MIA2: variants seen among roughly 807,000 people sequenced by gnomAD.
MIA2 encodes MIA SH3 domain ER export factor 2.
MIA2 carries 127 observed loss-of-function variants against 167.8 expected under a neutral mutation model. The observed-to-expected ratio is 0.76, with a 90% confidence interval of 0.66 to 0.88. The LOEUF (loss-of-function observed/expected upper bound fraction) is 0.88. Ranked by LOEUF, MIA2 falls within the 40% of genes least tolerant of loss-of-function variation. MIA2 has a pLI of 0.00. For missense variants in MIA2, 1,690 were observed against 1,624.7 expected (o/e 1.04, Z -0.69); for synonymous variants, 552 against 541.9 (o/e 1.02, Z -0.26).
At chr14:39,330,272 T>A (rs567567200) in intron 25 of MIA2, among the ~76,000 whole-genome samples, 2 of 152,340 alleles carry the variant, frequency 1.3e-5, no homozygotes, top group African/African-American at 4.8e-5. Context: ...CTTTATAGTA[T>A]TCTCTGATGG....
rs1566804413 is a variant in MIA2, at chr14:39,298,541, T to TTTTTTTTTTTG, written c.2497-1313_2497-1312insGTTTTTTTTTT. ...TTTGGTAGAACAGAGTTTTTTTTTT[T>TTTTTTTTTTTG]TTTTTTTTTTTTTGTGAGCAACATG... is the stretch of plus-strand genomic sequence containing the variant. On this transcript the variant is annotated intron_variant, in intron 13 of 28. Transcript: ENST00000640607. Among the ~76,000 whole-genome samples, 290 of 133,522 alleles carry TTTTTTTTTTTG rather than the reference T, an allele frequency of 2.2e-3. 16 individuals carry two copies. Among genetic ancestry groups the TTTTTTTTTTTG allele is most frequent in the African/African-American group, 6.3e-3 (231 of 36,754 alleles). The allele number at this position is 133,522 out of a possible 152,430, so 87.6% of individuals were successfully genotyped here.
intron 15 of MIA2, 40 bp from the exon 16 acceptor site, chr14:39,303,438 T>C: frequency 1.3e-6 from 2 of 1,514,080 alleles, no homozygotes; most frequent in Non-Finnish European, 1.8e-6. Flanking sequence ...TATTGTACTA[T>C]TTTCCCAAAT....
At chr14:39,321,149 G>A in intron 24 of MIA2, 93 bp downstream of exon 24, 1 of 1,212,488 alleles carries the variant, frequency 8.2e-7, no homozygotes, top group Non-Finnish European at 1.1e-6. Flanking sequence ...TAAAATATTT[G>A]GAAAATACAG....
intron 7 of MIA2, among the ~76,000 whole-genome samples, chr14:39,278,521 T>A (rs2058488875): frequency 6.6e-6 from 1 of 152,226 alleles, no homozygotes; most frequent in African/African-American, 2.4e-5. Flanking sequence ...ATTTCTTTTC[T>A]ACTTGTTTGT....
chr14:39,266,661 G>A lies in MIA2; in HGVS notation c.1888-10273G>A, dbSNP rs886290901. The A allele has an allele frequency of 7.1e-6, 7 of 985,488 alleles. No individual in the cohort carries two copies. The East Asian group carries it at 3.4e-4, about 48-fold the overall frequency. 61.0% of individuals were successfully genotyped at this position (985,488 alleles called of 1,614,324 possible). On this transcript the variant is annotated intron_variant, in intron 6 of 28. Coordinates refer to ENST00000640607, the MANE Select transcript of MIA2 (RefSeq NM_001329214.4). ...TGGTTGGCAGGGCGCACCGGCGCGT[G>A]CCCCGCAGGCCATTTTTCTGACTGG...
chr14:39,349,939 TTTCTC>T (rs2074176606), intron 28 of MIA2, among the ~76,000 whole-genome samples, 154 bp from the exon 29 acceptor site: 2 of 152,202 alleles, frequency 1.3e-5, no homozygotes, highest in Admixed American at 6.5e-5. Context: ...GAGGTACGTT[TTTCTC>T]AATGTAAAAA....
At position 39,281,072 on chromosome 14, in the gene MIA2, G is replaced by A. The variant is rs147821915; in HGVS notation, c.2130+1535G>A. The stretch of plus-strand genomic sequence containing the variant: ...TGAGTAGCTGGGATTACAGGCATGC[G>A]CCACCATGTCCAGCTAATTTTTTAA... On this transcript the variant is annotated intron_variant, in intron 9 of 28. Transcript: ENST00000640607. 3.1e-3 allele frequency among the ~76,000 whole-genome samples: 473 copies of A among 151,724 alleles called. 3 individuals are homozygous for A. Among genetic ancestry groups the A allele is most frequent in the African/African-American group, 0.01 (432 of 41,392 alleles).
At position 39,348,993 on chromosome 14, in the gene MIA2, C is replaced by CT. The variant is rs755133414; in HGVS notation, c.4072+25dup. 6.5e-5 allele frequency: 103 copies of CT among 1,582,508 alleles called. No homozygotes were observed. Among genetic ancestry groups the CT allele is most frequent in the Middle Eastern group, 5.1e-4 (3 of 5,928 alleles). On this transcript the variant is annotated intron_variant, in intron 28 of 28. Transcript: ENST00000640607. Reference sequence around the variant, plus strand: ...CCATTTGCAAGTATGCTTTTTTAAACTTTTTTTTTAAAGCTCAATATGTGG... The same window carrying CT: ...CCATTTGCAAGTATGCTTTTTTAAACTTTTTTTTTTAAAGCTCAATATGTGG...
Position 39,247,310 on chromosome 14 carries a change from G to A in MIA2, c.736G>A (p.Val246Ile). ...EKAFESVIEP[V>I]QESSFRSRKI... Reference sequence around the variant, plus strand: ...GGCTTTTGAATCAGTTATTGAACCTGTACAAGAAAGCTCATTTCGGAGTAG... The same window carrying A: ...GGCTTTTGAATCAGTTATTGAACCTATACAAGAAAGCTCATTTCGGAGTAG... Residue 246 changes from valine (V) to isoleucine (I), a missense_variant, in exon 4 of 29, where the codon GTA (valine) becomes ATA (isoleucine). Transcript: ENST00000640607. The A allele has an allele frequency of 1.9e-6, 3 of 1,613,998 alleles. No individual in the cohort carries two copies. Among genetic ancestry groups the A allele is most frequent in the Non-Finnish European group, 2.5e-6 (3 of 1,179,968 alleles).
chr14:39,380,841 A>G (rs1190960920), intron 23 of MIA2, among the ~76,000 whole-genome samples: 1 of 152,068 alleles, frequency 6.6e-6, no homozygotes, highest in East Asian at 1.9e-4. Flanking sequence ...GGCAGAGCCC[A>G]CACTGAAACC....
At chr14:39,313,272 A>G (rs1346700960) in intron 18 of MIA2, 68 bp from the exon 19 acceptor site, 18 of 783,188 alleles carry the variant, frequency 2.3e-5, no homozygotes, top group Non-Finnish European at 3.3e-5. Context: ...TTTTTTCACA[A>G]TTAAAAATAT....
chr14:39,321,598 G>A (rs2066452491), intron 24 of MIA2, among the ~76,000 whole-genome samples: 1 of 152,002 alleles, frequency 6.6e-6, no homozygotes, highest in African/African-American at 2.4e-5. Context: ...TTACAGGCGT[G>A]AGCCACCACG....
At chr14:39,322,406 T>C (rs2066619328) in intron 24 of MIA2, among the ~76,000 whole-genome samples, 1 of 151,590 alleles carries the variant, frequency 6.6e-6, no homozygotes, top group Non-Finnish European at 1.5e-5. Context: ...CTGGGTGTGG[T>C]GGTGGGCGCC....
intron 25 of MIA2, among the ~76,000 whole-genome samples, chr14:39,331,131 C>T (rs554394981): frequency 5.1e-4 from 77 of 152,178 alleles, no homozygotes; most frequent in African/African-American, 1.8e-3. Context: ...CTTTATGAAT[C>T]TGCATGCTCA....
intron 25 of MIA2, among the ~76,000 whole-genome samples, chr14:39,331,135 A>G (rs574243935): frequency 6.6e-5 from 10 of 152,188 alleles, no homozygotes; most frequent in African/African-American, 2.2e-4. Flanking sequence ...ATGAATCTGC[A>G]TGCTCATGTA....
chr14:39,380,664 G>A (rs75818788), intron 23 of MIA2, among the ~76,000 whole-genome samples: 27,047 of 135,560 alleles, frequency 0.2, 2,566 homozygotes, highest in Middle Eastern at 0.36. Flanking sequence ...CTGCACTCCA[G>A]CCTGGCGACA....
chr14:39,298,407 TC>T, intron 13 of MIA2, among the ~76,000 whole-genome samples: 2 of 50,420 alleles, frequency 4.0e-5, no homozygotes, highest in Non-Finnish European at 8.3e-5. Flanking sequence ...ATCATCTGAT[TC>T]TGTTTTATAT....
chr14:39,319,264 G>A lies in MIA2; in HGVS notation c.3340G>A (p.Asp1114Asn), dbSNP rs2065991990. The A allele has an allele frequency of 1.3e-6, 2 of 1,555,754 alleles. No homozygotes were observed. The highest frequency in any genetic ancestry group is 2.3e-5 in the East Asian group (1 of 44,106). ...ELLEKDPYAL[D>N]VPNTAFGREH... ...TTTAGAAAAAGATCCTTATGCACTCGATGTTCCAAATACAGCATTTGGCAG... is the reference window on the plus strand; with the variant it reads ...TTTAGAAAAAGATCCTTATGCACTCAATGTTCCAAATACAGCATTTGGCAG... Residue 1114 changes from aspartate (D) to asparagine (N), a missense_variant, in exon 23 of 29, where the codon GAT becomes AAT. Physicochemically the swap from Asp to Asn is conservative, Grantham distance 23. Coordinates refer to ENST00000640607, the MANE Select transcript of MIA2 (RefSeq NM_001329214.4).
At chr14:39,282,323 TTTG>T (rs770837014) in intron 9 of MIA2, among the ~76,000 whole-genome samples, 22 of 152,190 alleles carry the variant, frequency 1.4e-4, no homozygotes, top group Admixed American at 6.5e-5. Context: ...TAACTTTGAT[TTTG>T]TTTTTTGTAA....
Sources: allele counts gnomAD v4.1 joint callset (sites outside exome capture counted in the v4.1 genomes callset), GRCh38; gene constraint gnomAD v4.1.1; transcripts MANE v1.5; gene names NCBI Gene and HGNC (gene_info 2026-07-23, HGNC 2026-07-21).